Variants in RBFOX2 observed in about 807,000 individuals in gnomAD.
RBFOX2 encodes RNA binding fox-1 homolog 2.
RBFOX2 carries 10 observed loss-of-function variants against 49.1 expected under a neutral mutation model. The observed-to-expected ratio is 0.20, with a 90% CI of 0.13 to 0.35. The LOEUF is 0.35. Among genes scored for constraint, RBFOX2 ranks in the 10% least tolerant of loss-of-function variants. The pLI, the probability that RBFOX2 is intolerant of heterozygous loss-of-function variation, is 1.00. For missense variants in RBFOX2, 323 were observed against 486.9 expected (o/e 0.66, Z 3.17); for synonymous variants, 183 against 187.4 (o/e 0.98, Z 0.19).
intron 2 of RBFOX2, among the ~76,000 whole-genome samples, chr22:35,782,566 C>A (rs374503306): frequency 5.3e-5 from 8 of 152,212 alleles, no homozygotes; most frequent in African/African-American, 1.9e-4. Flanking sequence ...TGTGATCCGC[C>A]CGCCTTGGCC....
chr22:35,895,746 G>A (rs1211555842), intron 1 of RBFOX2, among the ~76,000 whole-genome samples: 1 of 152,128 alleles, frequency 6.6e-6, no homozygotes, highest in Non-Finnish European at 1.5e-5. Flanking sequence ...TATCATTATG[G>A]CCTGGGGAAA....
chr22:35,780,379 A>T (rs1157922353), intron 3 of RBFOX2, among the ~76,000 whole-genome samples: 1 of 152,118 alleles, frequency 6.6e-6, no homozygotes, highest in Non-Finnish European at 1.5e-5. Context: ...AAAAAAAAAA[A>T]ACAAAAAAAC....
At chr22:35,744,096 T>C (rs934120265) in exon 12 of RBFOX2, 1 of 968,820 alleles carries the variant, frequency 1.0e-6, no homozygotes, top group South Asian at 3.0e-5. Context: ...TGTTTGTTTG[T>C]TTGTTTTTCC....
chr22:35,898,083 T>C, intron 1 of RBFOX2: 2 of 735,306 alleles, frequency 2.7e-6, no homozygotes, highest in South Asian at 1.4e-5. Context: ...TCGCGTCCCA[T>C]TCCAGAAACA....
intron 1 of RBFOX2, among the ~76,000 whole-genome samples, chr22:36,025,896 A>G (rs1603469404): frequency 6.6e-6 from 1 of 152,162 alleles, no homozygotes; most frequent in African/African-American, 2.4e-5. Flanking sequence ...AGAACCATTC[A>G]GCTAGTTGAA....
chr22:35,935,964 A>C (rs1415493728), intron 1 of RBFOX2, among the ~76,000 whole-genome samples: 4 of 152,184 alleles, frequency 2.6e-5, no homozygotes, highest in Admixed American at 6.5e-5. Flanking sequence ...CAAAAGAGTT[A>C]TCTCTTTTTA....
chr22:35,740,366 T>C (rs942419959), exon 12 of RBFOX2: 2 of 152,602 alleles, frequency 1.3e-5, no homozygotes, highest in African/African-American at 4.8e-5. Flanking sequence ...AGAATCAAGT[T>C]TCACTGTGTA....
At chr22:36,000,906 G>A (rs952560916) in intron 1 of RBFOX2, among the ~76,000 whole-genome samples, 25 of 152,198 alleles carry the variant, frequency 1.6e-4, no homozygotes, top group African/African-American at 5.5e-4. Flanking sequence ...AGAAATGAAA[G>A]TTCTTTACAC....
At chr22:35,914,464 G>C (rs2050182628) in intron 1 of RBFOX2, among the ~76,000 whole-genome samples, 1 of 152,138 alleles carries the variant, frequency 6.6e-6, no homozygotes. Flanking sequence ...CTTTTCCAAG[G>C]TTGCAATACT....
intron 4 of RBFOX2, among the ~76,000 whole-genome samples, chr22:35,773,840 TAAGATGGTAGA>T (rs1943274395): frequency 6.6e-6 from 1 of 152,026 alleles, no homozygotes; most frequent in African/African-American, 2.4e-5. Flanking sequence ...TGATGGTGAG[TAAGATGGTAGA>T]AAGTCTGACC....
intron 1 of RBFOX2, among the ~76,000 whole-genome samples, chr22:35,880,046 C>T (rs1208204720): frequency 6.6e-6 from 1 of 152,154 alleles, no homozygotes; most frequent in Non-Finnish European, 1.5e-5. Context: ...ATCCCAGCTA[C>T]TCAGGTAGCC....
chr22:35,958,160 C>T (rs759846883), intron 1 of RBFOX2, among the ~76,000 whole-genome samples: 1 of 152,130 alleles, frequency 6.6e-6, no homozygotes, highest in Non-Finnish European at 1.5e-5. Context: ...GACATTATTT[C>T]AATTGAGTTT....
chr22:35,898,929 A>T (rs57063340), intron 1 of RBFOX2, among the ~76,000 whole-genome samples: 1 of 151,944 alleles, frequency 6.6e-6, no homozygotes, highest in Non-Finnish European at 1.5e-5. Context: ...GACCAGCCTG[A>T]CCAACATGAG....
intron 1 of RBFOX2, among the ~76,000 whole-genome samples, chr22:35,880,841 A>G (rs558100010): frequency 2.2e-4 from 31 of 142,260 alleles, no homozygotes; most frequent in African/African-American, 7.5e-4. Context: ...GGAGGGAGGG[A>G]GGGAAGGAAG....
chr22:35,961,471 T>C lies in RBFOX2; in HGVS notation c.42+92A>G, dbSNP rs1172367860. 4.0e-6 allele frequency: 5 copies of C among 1,265,266 alleles called. No homozygotes were observed. In the East Asian group the frequency reaches 2.3e-4, roughly 58 times the overall value. The allele number at this position is 1,265,266 out of a possible 1,614,324, so 78.4% of individuals were successfully genotyped here. On this transcript the variant is annotated intron_variant, in intron 1 of 5. Transcript: ENST00000408983. ...AATTCCACACGACCGACCTCTCTGC[T>C]TGAACTGGACTCCCCACACCTTACT...
chr22:35,962,478 A>G (rs1176615131), upstream of RBFOX2, among the ~76,000 whole-genome samples: 1 of 152,232 alleles, frequency 6.6e-6, no homozygotes, highest in Admixed American at 6.5e-5. Context: ...AATCAAGAGT[A>G]AGTTGGCATT....
intron 1 of RBFOX2, among the ~76,000 whole-genome samples, chr22:35,811,566 G>A (rs989270205): frequency 6.6e-6 from 1 of 152,178 alleles, no homozygotes; most frequent in Non-Finnish European, 1.5e-5. Context: ...ATATTGTTAT[G>A]TAATACTTTC....
Position 35,759,672 on chromosome 22 carries a change from G to A in RBFOX2, c.887+216C>T, listed in dbSNP as rs1938045260. ...AGCCATTACCATGAGGGCTTAAGGT[G>A]GCCAAAATGAAGACTTATAATGAAT... On this transcript the variant is annotated intron_variant, in intron 9 of 11. Coordinates refer to ENST00000405409, the Ensembl canonical transcript of RBFOX2. This position sits in a 1 kb window ranked among gnomAD's most constrained non-coding sequence, Gnocchi z 4.6. 6.6e-6 allele frequency among the ~76,000 whole-genome samples: 1 copy of A among 152,158 alleles called. No homozygotes were observed. The highest frequency in any genetic ancestry group is 2.1e-4 in the South Asian group (1 of 4,824).
At chr22:35,864,038 C>T (rs2043395845) in intron 1 of RBFOX2, among the ~76,000 whole-genome samples, 1 of 152,156 alleles carries the variant, frequency 6.6e-6, no homozygotes, top group African/African-American at 2.4e-5. Flanking sequence ...ACATGATTTT[C>T]ATTAATAATG....
Sources: gnomAD v4.1 joint callset for allele counts (sites outside exome capture counted in the v4.1 genomes callset) on GRCh38, gnomAD v4.1.1 for gene constraint, Gnocchi (gnomAD v3.1) non-coding constraint, MANE v1.5 for transcripts, NCBI Gene and HGNC (gene_info 2026-07-23, HGNC 2026-07-21) for gene names.